The following NR1I2 variants were observed in gnomAD, a reference collection of about 807,000 sequenced individuals.
The protein encoded by NR1I2 is nuclear receptor subfamily 1 group I member 2.
NR1I2 carries 42 observed loss-of-function variants against 43.3 expected under a neutral mutation model. That is an observed-to-expected ratio of 0.97 (90% CI 0.76 to 1.26). The LOEUF is 1.26. NR1I2 is among the 50% of genes most tolerant of loss of function. The pLI, the probability that NR1I2 is intolerant of heterozygous loss-of-function variation, is 0.00. For synonymous variants in NR1I2, 229 were observed against 215.0 expected, an observed-to-expected ratio of 1.06 and a Z score of -0.57; for missense variants, 559 against 566.7, an observed-to-expected ratio of 0.99 and a Z score of 0.14.
At chr3:119,792,510 A>G (rs2054934766) in intron 1 of NR1I2, 3 of 1,076,844 alleles carry the variant, frequency 2.8e-6, no homozygotes, top group East Asian at 2.6e-5. Context: ...AACATCACCA[A>G]TCTGCCGGCA....
chr3:119,817,580 A>G lies in NR1I2; in HGVS notation c.*368A>G, dbSNP rs562102943. 8.4e-7 allele frequency: 1 copy of G among 1,185,920 alleles called. No individual in the cohort carries two copies. The highest frequency in any genetic ancestry group is 5.6e-5 in the East Asian group (1 of 17,854). 73.5% of individuals were successfully genotyped at this position (1,185,920 alleles called of 1,614,324 possible). The stretch of plus-strand genomic sequence containing the variant: ...TGTGGAAGGGACCAAGCGACCAAGG[A>G]TGGGCCATCTGGGGTCTATGCCCAC... On this transcript the variant is annotated 3_prime_UTR_variant, in exon 9 of 9. Transcript: ENST00000393716.
Position 119,815,374 on chromosome 3 carries a change from T to G in NR1I2, c.989T>G (p.Leu330Arg). The G allele has an allele frequency of 6.2e-7, 1 of 1,613,880 alleles. No homozygotes were observed. The highest frequency in any genetic ancestry group is 8.5e-7 in the Non-Finnish European group (1 of 1,180,022). The change falls in exon 7 of 9, where the codon CTG becomes CGG. Residue 330 changes from leucine (L) to arginine (R), a missense_variant. Leu to Arg is a moderately radical substitution (Grantham distance 102). Around this residue, in one of 3 missense-constraint regions of NR1I2, gnomAD observed 323 missense variants for 312.2 expected, o/e 1.03. Coordinates refer to ENST00000393716, the MANE Select transcript of NR1I2 (RefSeq NM_003889.4). ...CCCATGCTGAAATTCCACTACATGC[T>G]GAAGAAGCTGCAGCTGCATGAGGAG...
intron 4 of NR1I2, 48 bp downstream of exon 4, chr3:119,811,774 C>A: frequency 1.3e-6 from 2 of 1,527,626 alleles, no homozygotes; most frequent in South Asian, 2.4e-5. Context: ...CATCTTCATT[C>A]TCACATAGAA....
At chr3:119,799,120 G>A (rs1258542232) in intron 1 of NR1I2, among the ~76,000 whole-genome samples, 1 of 152,174 alleles carries the variant, frequency 6.6e-6, no homozygotes, top group Non-Finnish European at 1.5e-5. Context: ...CTGAGCAATT[G>A]TTTTCTTAAG....
In NR1I2 at chr3:119,791,997, T is replaced by G. The variant is rs1030259191; in HGVS notation, c.-23+9697T>G. The G allele has an allele frequency of 5.7e-6, 4 of 702,656 alleles. No homozygotes were observed. The Admixed American group carries it at 7.5e-5, about 13-fold the overall frequency. The allele number at this position is 702,656 out of a possible 1,614,324, so 43.5% of individuals were successfully genotyped here. On this transcript the variant is annotated intron_variant, in intron 1 of 8. Transcript: ENST00000393716. ...GTAAGGGACTCACTTTCTCATACCA[T>G]GGGTACAGAAACCAATTATCTTTGA...
intron 1 of NR1I2, among the ~76,000 whole-genome samples, chr3:119,786,907 C>T (rs2054849881): frequency 6.6e-6 from 1 of 152,182 alleles, no homozygotes; most frequent in Non-Finnish European, 1.5e-5. Flanking sequence ...AACATATAGC[C>T]TCATTTTGCC....
At chr3:119,794,638 C>A (rs557103655) in intron 1 of NR1I2, among the ~76,000 whole-genome samples, 1 of 152,054 alleles carries the variant, frequency 6.6e-6, no homozygotes, top group East Asian at 1.9e-4. Flanking sequence ...ATTCTTTTTT[C>A]TTAAATAGGA....
chr3:119,798,060 T>C (rs2055024474), intron 1 of NR1I2, among the ~76,000 whole-genome samples: 1 of 152,202 alleles, frequency 6.6e-6, no homozygotes, highest in Non-Finnish European at 1.5e-5. Flanking sequence ...TGGGTAGGTA[T>C]GTGTGTTTTT....
chr3:119,801,655 T>C (rs1376109216), intron 1 of NR1I2, among the ~76,000 whole-genome samples: 1 of 152,234 alleles, frequency 6.6e-6, no homozygotes, highest in Non-Finnish European at 1.5e-5. Flanking sequence ...AAATCTCCCC[T>C]AAACTCACTG....
intron 5 of NR1I2, among the ~76,000 whole-genome samples, chr3:119,813,369 G>A (rs2055272097): frequency 6.6e-6 from 1 of 152,180 alleles, no homozygotes; most frequent in African/African-American, 2.4e-5. Flanking sequence ...AGATAAGGCT[G>A]TGAAGGCCAT....
chr3:119,801,726 G>A (rs1203993991), intron 1 of NR1I2, among the ~76,000 whole-genome samples: 10 of 152,212 alleles, frequency 6.6e-5, no homozygotes, highest in Non-Finnish European at 7.3e-5. Flanking sequence ...GGGCTCAGCT[G>A]GGGAGTTCTT....
intron 3 of NR1I2, 122 bp from the exon 4 acceptor site, chr3:119,811,417 C>T: frequency 1.1e-6 from 1 of 937,208 alleles, no homozygotes; most frequent in East Asian, 2.6e-5. Context: ...TTGCTTGTCA[C>T]CATTACTTTC....
chr3:119,817,094 T>C lies in NR1I2; in HGVS notation c.1187T>C (p.Met396Thr). 1 of 1,614,194 alleles carries C rather than the reference T, an allele frequency of 6.2e-7. No individual in the cohort carries two copies. Among genetic ancestry groups the C allele is most frequent in the Non-Finnish European group, 8.5e-7 (1 of 1,180,020 alleles). The change falls in exon 9 of 9, where the codon ATG becomes ACG. Residue 396 changes from methionine (M) to threonine (T), a missense_variant. Met to Thr is a moderately conservative substitution (Grantham distance 81). Coordinates refer to ENST00000393716, the MANE Select transcript of NR1I2 (RefSeq NM_003889.4). ...TTCTTGTTCCTGAAGATCATGGCTA[T>C]GCTCACCGAGCTCCGCAGCATCAAT...
Position 119,815,692 on chromosome 3 carries a change from C to T in NR1I2, c.1055-34C>T, listed in dbSNP as rs369432236. 3 of 1,558,984 alleles carry T rather than the reference C, an allele frequency of 1.9e-6. No homozygotes were observed. The Admixed American group carries it at 5.2e-5, about 27-fold the overall frequency. ...GGGCTGGACTGAGCTTGTCTTTGCCCCATGATCTTGCACCACACCTCCCTC... is the reference window on the plus strand; with the variant it reads ...GGGCTGGACTGAGCTTGTCTTTGCCTCATGATCTTGCACCACACCTCCCTC... On this transcript the variant is annotated intron_variant, in intron 7 of 8. Coordinates refer to ENST00000393716, the MANE Select transcript of NR1I2 (RefSeq NM_003889.4).
intron 7 of NR1I2, 57 bp downstream of exon 7, chr3:119,815,496 G>A: frequency 7.0e-7 from 1 of 1,422,162 alleles, no homozygotes; most frequent in East Asian, 2.3e-5. Flanking sequence ...GCCCTCCCCA[G>A]GGAAGGTCCC....
chr3:119,815,940 A>G, intron 8 of NR1I2, 109 bp downstream of exon 8: 1 of 866,418 alleles, frequency 1.2e-6, no homozygotes, highest in Non-Finnish European at 1.9e-6. Context: ...AGGTAGCCCC[A>G]GCCAGACCAG....
chr3:119,807,450 A>G lies in NR1I2; in HGVS notation c.197+3A>G, dbSNP rs2107969185. On this transcript the variant is annotated splice_donor_region_variant and intron_variant, in intron 2 of 8. Transcript: ENST00000393716. Reference sequence around the variant, plus strand: ...GAAGGATGCAAGGGCTTTTTCAGGTAGAGTTACCCATCAGCCTTCACCCAC... The same window carrying G: ...GAAGGATGCAAGGGCTTTTTCAGGTGGAGTTACCCATCAGCCTTCACCCAC... 6.2e-7 allele frequency: 1 copy of G among 1,612,740 alleles called. No individual in the cohort carries two copies. Among genetic ancestry groups the G allele is most frequent in the Non-Finnish European group, 8.5e-7 (1 of 1,179,706 alleles).
chr3:119,815,164 A>C (rs753789390), intron 6 of NR1I2, 43 bp downstream of exon 6: 1 of 1,613,604 alleles, frequency 6.2e-7, no homozygotes, highest in Non-Finnish European at 8.5e-7. Flanking sequence ...GGAGGGAAAC[A>C]CTGCAGTTAT....
rs536800799 is a variant in NR1I2, at chr3:119,809,429, G to A, written c.198-632G>A. 5.9e-3 allele frequency among the ~76,000 whole-genome samples: 897 copies of A among 152,038 alleles called. 11 individuals are homozygous for A. Among genetic ancestry groups the A allele is most frequent in the African/African-American group, 0.021 (863 of 41,474 alleles). Reference sequence around the variant, plus strand: ...TCTTTGCCCCCTAGGTCAACGAGGGGAATCCACTCTGCCATGGGGAAGTCG... The same window carrying A: ...TCTTTGCCCCCTAGGTCAACGAGGGAAATCCACTCTGCCATGGGGAAGTCG... On this transcript the variant is annotated intron_variant, in intron 2 of 8. Transcript: ENST00000393716.
Sources: allele counts gnomAD v4.1 joint callset (sites outside exome capture counted in the v4.1 genomes callset), GRCh38; gene constraint gnomAD v4.1.1; regional missense constraint gnomAD v4.1.1; transcripts MANE v1.5; gene names NCBI Gene and HGNC (gene_info 2026-07-23, HGNC 2026-07-21).